LRRC27: variants seen among roughly 807,000 people sequenced by gnomAD.
LRRC27 encodes the protein leucine-rich repeat-containing protein 27.
A neutral mutation model predicts 55.0 loss-of-function variants in LRRC27; 57 were observed. The observed-to-expected ratio is 1.04, with a 90% confidence interval of 0.84 to 1.29. The LOEUF (loss-of-function observed/expected upper bound fraction) is 1.29. LRRC27 is among the 50% of genes most tolerant of loss of function. The probability of loss-of-function intolerance (pLI) is 0.00; values close to 1 mark genes in which losing one functional copy is unlikely to be tolerated. For missense variants in LRRC27, 721 were observed against 651.5 expected, an observed-to-expected ratio of 1.11 and a Z score of -1.16; for synonymous variants, 278 against 251.9, an observed-to-expected ratio of 1.10 and a Z score of -0.98.
Position 132,377,107 on chromosome 10 carries a change from C to T in LRRC27, c.*1865C>T, listed in dbSNP as rs549261213. 3 of 152,164 alleles carry T rather than the reference C, an allele frequency of 2.0e-5. No homozygotes were observed. The highest frequency in any genetic ancestry group is 4.4e-5 in the Non-Finnish European group (3 of 68,042). 9.4% of individuals were successfully genotyped at this position (152,164 alleles called of 1,614,324 possible). ...GGCACACTGCTGCTGTTTTGGTCAG[C>T]GTTTTCATAATGCATCTTCTTCCCT... On this transcript the variant is annotated 3_prime_UTR_variant, in exon 11 of 11. Coordinates refer to ENST00000368614, the MANE Select transcript of LRRC27 (RefSeq NM_030626.3).
chr10:132,370,547 G>A (rs374202284), intron 10 of LRRC27, among the ~76,000 whole-genome samples: 1 of 152,172 alleles, frequency 6.6e-6, no homozygotes, highest in East Asian at 1.9e-4. Flanking sequence ...GACAGGTGGT[G>A]TTGGCTGTCC....
intron 7 of LRRC27, chr10:132,352,938 G>A: frequency 1.9e-6 from 3 of 1,613,968 alleles, no homozygotes; most frequent in Non-Finnish European, 2.5e-6. Context: ...TCATCAGGGA[G>A]GTTCATTCTT....
At chr10:132,364,652 A>ACCCACACTTAACACCCACG (rs2068928351) in intron 9 of LRRC27, among the ~76,000 whole-genome samples, 1 of 59,194 alleles carries the variant, frequency 1.7e-5, no homozygotes, top group Non-Finnish European at 3.3e-5. Context: ...ACCCACCCAC[A>ACCCACACTTAACACCCACG]CTTACATCTA....
Position 132,365,410 on chromosome 10 carries a change from C to A in LRRC27, c.1290-14C>A. 1.2e-6 allele frequency: 2 copies of A among 1,613,186 alleles called. No individual in the cohort carries two copies. The highest frequency in any genetic ancestry group is 1.7e-6 in the Non-Finnish European group (2 of 1,179,748). The stretch of plus-strand genomic sequence containing the variant: ...TGTGTCAAGTCATTTCCCTCTTTGC[C>A]CTTTGTTTCTCAGTGCCCTGCAGGA... On this transcript the variant is annotated splice_polypyrimidine_tract_variant and intron_variant, in intron 9 of 10. Coordinates refer to ENST00000368614, the MANE Select transcript of LRRC27 (RefSeq NM_030626.3).
At chr10:132,352,815 G>A (rs753474371) in intron 7 of LRRC27, 158 of 1,568,494 alleles carry the variant, frequency 1.0e-4, no homozygotes, top group Non-Finnish European at 1.3e-4. Context: ...GTCCGTCTTT[G>A]CCCTGGCTTC....
At chr10:132,355,538 GC>G (rs1179114390) in intron 7 of LRRC27, among the ~76,000 whole-genome samples, 1 of 152,176 alleles carries the variant, frequency 6.6e-6, no homozygotes, top group African/African-American at 2.4e-5. Context: ...GGTCGGGTTG[GC>G]CCCCAGCATC....
At position 132,365,532 on chromosome 10, in the gene LRRC27, T is replaced by G. The variant is rs1296820484; in HGVS notation, c.1398T>G (p.Ala466=). Reference sequence around the variant, plus strand: ...CCCCACTGGAGGAGATGAGGAAGGCTGCCGAGGATCTGGAAATTGTAAGGA... The same window carrying G: ...CCCCACTGGAGGAGATGAGGAAGGCGGCCGAGGATCTGGAAATTGTAAGGA... ...GQAPLEEMRK[A]AEDLEIATEL... Residue 466 remains alanine (A), a synonymous_variant, in exon 10 of 11, where the codon GCT becomes GCG. Transcript: ENST00000368614. 1 of 1,613,408 alleles carries G rather than the reference T, an allele frequency of 6.2e-7. No homozygotes were observed. The highest frequency in any genetic ancestry group is 8.5e-7 in the Non-Finnish European group (1 of 1,179,976).
At chr10:132,342,509 C>T (rs990454716) in intron 4 of LRRC27, among the ~76,000 whole-genome samples, 2 of 152,278 alleles carry the variant, frequency 1.3e-5, no homozygotes, top group South Asian at 2.1e-4. Context: ...GGGCCATTGG[C>T]GCCGTCACAC....
chr10:132,331,243 C>T (rs768117888), upstream of LRRC27, among the ~76,000 whole-genome samples: 1 of 149,196 alleles, frequency 6.7e-6, no homozygotes, highest in African/African-American at 2.5e-5. Context: ...ATGGCAGACT[C>T]CAGCTAAACT....
intron 3 of LRRC27, among the ~76,000 whole-genome samples, chr10:132,340,552 T>G (rs2067363708): frequency 2.0e-5 from 3 of 152,162 alleles, no homozygotes; most frequent in Admixed American, 6.5e-5. Context: ...TTGGCTGGTT[T>G]TATACTAGCA....
chr10:132,332,067 A>AC (rs1238115912), upstream of LRRC27: 3 of 173,714 alleles, frequency 1.7e-5, no homozygotes, highest in African/African-American at 3.1e-5. Context: ...CAACACGCAC[A>AC]CCCCCGCGCG....
At chr10:132,352,149 C>T (rs138789661) in intron 7 of LRRC27, among the ~76,000 whole-genome samples, 12,868 of 59,510 alleles carry the variant, frequency 0.22, 2,914 homozygotes, top group East Asian at 0.67. Flanking sequence ...GTGGGGCAGG[C>T]GCTGAGGCCT....
At chr10:132,352,671 C>T (rs113468812) in intron 7 of LRRC27, among the ~76,000 whole-genome samples, 20,257 of 92,292 alleles carry the variant, frequency 0.22, 2,094 homozygotes, top group Middle Eastern at 0.24. Flanking sequence ...GTGGGGCAGG[C>T]GCTGAGGCCT....
At chr10:132,364,158 A>C (rs2068788792) in intron 9 of LRRC27, among the ~76,000 whole-genome samples, 1 of 152,016 alleles carries the variant, frequency 6.6e-6, no homozygotes, top group African/African-American at 2.4e-5. Context: ...GTAGAACTCC[A>C]GAGGACATCA....
At position 132,348,820 on chromosome 10, in the gene LRRC27, A is replaced by G; in HGVS notation, c.926+464A>G. The G allele has an allele frequency of 6.5e-6, 4 of 618,832 alleles. No individual in the cohort carries two copies. Among genetic ancestry groups the G allele is most frequent in the Admixed American group, 2.7e-5 (1 of 36,760 alleles). 38.3% of individuals were successfully genotyped at this position (618,832 alleles called of 1,614,324 possible). A position where few individuals can be genotyped will look rare whatever the true frequency, so the allele number is the denominator to read the frequency against. On this transcript the variant is annotated intron_variant, in intron 6 of 10. Transcript: ENST00000368614. This position sits in a 1 kb window ranked among gnomAD's most constrained non-coding sequence, Gnocchi z 4.2. Reference sequence around the variant, plus strand: ...CCTGTGAAAAGAGAGGAGTTGGGGGAAAGGTCAGTTATGCAGAAAATAAAT... The same window carrying G: ...CCTGTGAAAAGAGAGGAGTTGGGGGGAAGGTCAGTTATGCAGAAAATAAAT...
Position 132,337,197 on chromosome 10 carries a change from G to A in LRRC27, c.211-368G>A, listed in dbSNP as rs978624711. 60 of 1,173,626 alleles carry A rather than the reference G, an allele frequency of 5.1e-5. No homozygotes were observed. The African/African-American group carries it at 6.5e-4, about 13-fold the overall frequency. The allele number at this position is 1,173,626 out of a possible 1,614,324, so 72.7% of individuals were successfully genotyped here. A position where few individuals can be genotyped will look rare whatever the true frequency, so the allele number is the denominator to read the frequency against. On this transcript the variant is annotated intron_variant, in intron 2 of 10. Transcript: ENST00000368614. ...TAAGCAGGCGATTTCGGGGGCTGCC[G>A]AGGGCCAGGTGCTGCGGCAGGCACT...
chr10:132,354,592 C>G (rs961809418), intron 7 of LRRC27, among the ~76,000 whole-genome samples: 1 of 152,198 alleles, frequency 6.6e-6, no homozygotes, highest in Non-Finnish European at 1.5e-5. Context: ...TGAGGTGGCA[C>G]TGGGAGAGGA....
intron 2 of LRRC27, among the ~76,000 whole-genome samples, chr10:132,335,584 T>C (rs1273393511): frequency 7.1e-6 from 1 of 141,072 alleles, no homozygotes; most frequent in Non-Finnish European, 1.5e-5. Flanking sequence ...ATGGGGGGGG[T>C]CACAGTCTTC....
intron 3 of LRRC27, among the ~76,000 whole-genome samples, chr10:132,339,773 C>G (rs553410019): frequency 1.5e-4 from 23 of 152,220 alleles, no homozygotes; most frequent in Non-Finnish European, 3.1e-4. Flanking sequence ...GTAAGTGCTA[C>G]TCAGAGGATG....
Sources: allele counts gnomAD v4.1 joint callset (sites outside exome capture counted in the v4.1 genomes callset), GRCh38; gene constraint gnomAD v4.1.1; non-coding constraint Gnocchi (gnomAD v3.1); transcripts MANE v1.5; gene names NCBI Gene and HGNC (gene_info 2026-07-23, HGNC 2026-07-21).